Variants in IGFL2 observed in about 807,000 individuals in gnomAD.
The protein encoded by IGFL2 is IGF like family member 2.
Under a neutral mutation model 13.9 loss-of-function variants are expected in IGFL2, and 7 were observed. That is an observed-to-expected ratio of 0.51 (90% CI 0.29 to 0.95). The LOEUF (loss-of-function observed/expected upper bound fraction) is 0.95, where lower values mean the gene tolerates loss of function less well. Ranked by LOEUF, IGFL2 falls within the 40% of genes least tolerant of loss-of-function variation. The probability of loss-of-function intolerance (pLI) is 0.08; values close to 1 mark genes in which losing one functional copy is unlikely to be tolerated. For synonymous variants in IGFL2, 55 were observed against 55.8 expected (o/e 0.99, Z 0.07); for missense variants, 138 against 147.8 (o/e 0.93, Z 0.34).
chr19:46,101,278 A>G, the IGFL2 span: 2 of 152,314 alleles, frequency 1.3e-5, no homozygotes, highest in Non-Finnish European at 2.9e-5. Context: ...TGCTGGGGGG[A>G]AACCCACTCA....
At chr19:46,198,689 C>T in the IGFL2 span, among the ~76,000 whole-genome samples, 1 of 152,112 alleles carries the variant, frequency 6.6e-6, no homozygotes, top group Non-Finnish European at 1.5e-5. Context: ...TCACCAAAGC[C>T]CCTTTGCAAG....
the IGFL2 span, among the ~76,000 whole-genome samples, chr19:46,095,559 G>A: frequency 6.6e-6 from 1 of 152,230 alleles, no homozygotes; most frequent in Admixed American, 6.5e-5. Flanking sequence ...TTTTGCTTTG[G>A]TTGCAACTGC....
the IGFL2 span, chr19:46,120,460 G>A: frequency 1.3e-6 from 2 of 1,520,852 alleles, no homozygotes; most frequent in Non-Finnish European, 1.8e-6. Flanking sequence ...TAACAGACTT[G>A]ACTGCTACAC....
chr19:46,090,613 G>T, the IGFL2 span, among the ~76,000 whole-genome samples: 1 of 152,328 alleles, frequency 6.6e-6, no homozygotes, highest in East Asian at 1.9e-4. Context: ...ATGCTGGTAC[G>T]TGATGACAAG....
chr19:46,194,871 T>A, the IGFL2 span, among the ~76,000 whole-genome samples: 3 of 127,246 alleles, frequency 2.4e-5, no homozygotes, highest in South Asian at 2.5e-4. Context: ...TTTTTTTTTT[T>A]TTTTTTTTTG....
At chr19:46,120,923 C>A in the IGFL2 span, among the ~76,000 whole-genome samples, 2 of 150,680 alleles carry the variant, frequency 1.3e-5, no homozygotes, top group Non-Finnish European at 2.9e-5. Context: ...CCCATAAATA[C>A]AACTATAATT....
chr19:46,127,492 T>G, the IGFL2 span, among the ~76,000 whole-genome samples: 3 of 152,234 alleles, frequency 2.0e-5, no homozygotes, highest in Admixed American at 1.3e-4. Flanking sequence ...AAGAAATAAC[T>G]TTCTGTCTGG....
intron 1 of IGFL2, among the ~76,000 whole-genome samples, chr19:46,154,781 A>T (rs1266516474): frequency 6.6e-6 from 1 of 152,022 alleles, no homozygotes; most frequent in African/African-American, 2.4e-5. Context: ...ACTGTCATGG[A>T]ATTACCACCC....
At chr19:46,210,866 G>A in the IGFL2 span, among the ~76,000 whole-genome samples, 2 of 152,220 alleles carry the variant, frequency 1.3e-5, no homozygotes, top group African/African-American at 2.4e-5. Context: ...CAGAGGGTGT[G>A]CATGATGTGG....
At chr19:46,193,210 CACAAA>C in the IGFL2 span, among the ~76,000 whole-genome samples, 1 of 152,014 alleles carries the variant, frequency 6.6e-6, no homozygotes, top group Non-Finnish European at 1.5e-5. Flanking sequence ...AAAAACAAAA[CACAAA>C]ACAAAGAAAA....
chr19:46,153,991 C>G (rs978629119), intron 1 of IGFL2, among the ~76,000 whole-genome samples: 2 of 151,980 alleles, frequency 1.3e-5, no homozygotes, highest in Non-Finnish European at 2.9e-5. Flanking sequence ...TCCCTTTTCC[C>G]CCAAGACCCT....
the IGFL2 span, among the ~76,000 whole-genome samples, chr19:46,122,255 A>G: frequency 5.3e-5 from 8 of 151,124 alleles, no homozygotes; most frequent in Non-Finnish European, 1.2e-4. Flanking sequence ...TAATTTGCAC[A>G]AAACATCTTT....
chr19:46,178,459 AT>A, the IGFL2 span, among the ~76,000 whole-genome samples: 7 of 152,154 alleles, frequency 4.6e-5, no homozygotes, highest in South Asian at 2.1e-4. Context: ...CTACAAAGCC[AT>A]TTTTTTATGG....
At chr19:46,180,093 G>A in the IGFL2 span, among the ~76,000 whole-genome samples, 1 of 151,916 alleles carries the variant, frequency 6.6e-6, no homozygotes, top group South Asian at 2.1e-4. Flanking sequence ...ATGGAGTTTC[G>A]TATTCAGACT....
At chr19:46,154,328 A>G (rs993216980) in intron 1 of IGFL2, among the ~76,000 whole-genome samples, 2 of 152,132 alleles carry the variant, frequency 1.3e-5, no homozygotes, top group African/African-American at 4.8e-5. Context: ...CCCTTTTGCC[A>G]AGACAAAGTG....
chr19:46,123,947 A>G, the IGFL2 span: 3 of 1,611,476 alleles, frequency 1.9e-6, no homozygotes, highest in Non-Finnish European at 2.5e-6. Flanking sequence ...AGAACCCTCA[A>G]CTTCACAAGA....
At chr19:46,147,943 C>G (rs1973227438), upstream of IGFL2, 8 of 294,038 alleles carry the variant, frequency 2.7e-5, 1 homozygote, top group South Asian at 8.5e-4. Context: ...AAGTGAGAGC[C>G]AAGGAATCTC....
chr19:46,140,525 C>T (rs544596576), upstream of IGFL2, among the ~76,000 whole-genome samples: 1 of 152,296 alleles, frequency 6.6e-6, no homozygotes, highest in Non-Finnish European at 1.5e-5. Flanking sequence ...AGAAAATGTT[C>T]TCTGGGACTC....
At chr19:46,120,495 GAC>G in the IGFL2 span, 1 of 1,261,056 alleles carries the variant, frequency 7.9e-7, no homozygotes, top group South Asian at 1.6e-5. Flanking sequence ...TCAACAGAAG[GAC>G]ACAGTCACCA....
Sources: gnomAD v4.1 joint callset for allele counts (sites outside exome capture counted in the v4.1 genomes callset) on GRCh38, gnomAD v4.1.1 for gene constraint, MANE v1.5 for transcripts, NCBI Gene and HGNC (gene_info 2026-07-23, HGNC 2026-07-21) for gene names.